MYO9A: variants seen among roughly 807,000 people sequenced by gnomAD.
MYO9A encodes myosin IXA, also known as unconventional myosin-IXa.
Under a neutral mutation model 293.3 loss-of-function variants are expected in MYO9A, and 103 were observed. The ratio of observed to expected loss-of-function variants is 0.35; its 90% CI spans 0.30 to 0.41. MYO9A has a LOEUF of 0.41. Among genes scored for constraint, MYO9A ranks in the 10% least tolerant of loss-of-function variants. The probability of loss-of-function intolerance (pLI) is 1.00; values close to 1 mark genes in which losing one functional copy is unlikely to be tolerated. For synonymous variants in MYO9A, 1,001 were observed against 1,035.7 expected (o/e 0.97, Z 0.64); for missense variants, 2,685 against 3,033.0 (o/e 0.89, Z 2.69).
intron 38 of MYO9A, among the ~76,000 whole-genome samples, chr15:71,849,753 A>C (rs2055554949): frequency 6.6e-6 from 1 of 151,896 alleles, no homozygotes; most frequent in African/African-American, 2.4e-5. Flanking sequence ...GGAAGATACT[A>C]AGTGTCCATA....
chr15:71,873,345 T>C (rs2056581759), intron 32 of MYO9A, among the ~76,000 whole-genome samples: 1 of 152,206 alleles, frequency 6.6e-6, no homozygotes, highest in Non-Finnish European at 1.5e-5. Context: ...TTTAGGTTGT[T>C]TTCAGTCTTT....
intron 29 of MYO9A, among the ~76,000 whole-genome samples, 159 bp from the exon 30 acceptor site, chr15:71,879,996 C>A (rs2056824142): frequency 6.6e-6 from 1 of 152,222 alleles, no homozygotes; most frequent in African/African-American, 2.4e-5. Flanking sequence ...GACAGTCAAA[C>A]TATAATTACT....
intron 31 of MYO9A, among the ~76,000 whole-genome samples, chr15:71,877,052 T>TA (rs1443845275): frequency 4.6e-5 from 7 of 152,108 alleles, no homozygotes; most frequent in Non-Finnish European, 1.0e-4. Context: ...TAAATACATA[T>TA]AAGGTAGAAT....
intron 2 of MYO9A, among the ~76,000 whole-genome samples, chr15:72,038,571 C>A (rs1341588783): frequency 6.6e-6 from 1 of 152,182 alleles, no homozygotes; most frequent in South Asian, 2.1e-4. Flanking sequence ...CTCCCCCACA[C>A]ACAAAAAGAC....
intron 1 of MYO9A, among the ~76,000 whole-genome samples, chr15:72,107,422 G>C (rs1054463043): frequency 6.6e-6 from 1 of 151,978 alleles, no homozygotes; most frequent in African/African-American, 2.4e-5. Context: ...AGTGGCGCGC[G>C]CCTGTAATCC....
At chr15:71,883,893 C>T (rs1260323213) in intron 27 of MYO9A, among the ~76,000 whole-genome samples, 157 bp from the exon 28 acceptor site, 1 of 151,478 alleles carries the variant, frequency 6.6e-6, no homozygotes, top group Admixed American at 6.6e-5. Flanking sequence ...TGCATTTAAA[C>T]TTCACCTGAA....
chr15:72,049,209 T>A (rs779371620), intron 1 of MYO9A, among the ~76,000 whole-genome samples: 1 of 152,216 alleles, frequency 6.6e-6, no homozygotes, highest in Non-Finnish European at 1.5e-5. Context: ...TACAGTATCA[T>A]AAATATATTT....
chr15:71,882,333 G>A (rs1021801953), intron 28 of MYO9A, among the ~76,000 whole-genome samples: 1 of 152,178 alleles, frequency 6.6e-6, no homozygotes, highest in African/African-American at 2.4e-5. Context: ...CTGAGAAAAG[G>A]GCTTGAGAAG....
At chr15:71,937,710 G>A (rs2058676392) in intron 16 of MYO9A, among the ~76,000 whole-genome samples, 1 of 152,106 alleles carries the variant, frequency 6.6e-6, no homozygotes, top group African/African-American at 2.4e-5. Flanking sequence ...AAAATGGAAA[G>A]TACAAAGAAA....
intron 41 of MYO9A, 36 bp downstream of exon 41, chr15:71,827,829 TTATTCCTCCTTTGCAAAAC>T (rs2054570787): frequency 1.0e-5 from 16 of 1,551,418 alleles, no homozygotes; most frequent in Non-Finnish European, 1.4e-5. Flanking sequence ...TTTGGAATCT[TTATTCCTCCTTTGCAAAAC>T]AAATCTGGAG....
At chr15:72,074,850 T>C (rs894184613) in intron 1 of MYO9A, among the ~76,000 whole-genome samples, 1 of 151,876 alleles carries the variant, frequency 6.6e-6, no homozygotes, top group African/African-American at 2.4e-5. Flanking sequence ...CATAACTCAA[T>C]TCCATGTCAG....
At chr15:72,020,756 T>A (rs1182901420) in intron 5 of MYO9A, among the ~76,000 whole-genome samples, 162 bp downstream of exon 5, 1 of 152,210 alleles carries the variant, frequency 6.6e-6, no homozygotes, top group Non-Finnish European at 1.5e-5. Flanking sequence ...ATGGTAATCA[T>A]CCTCAAATTT....
At chr15:72,041,932 T>C (rs1596455142) in intron 2 of MYO9A, among the ~76,000 whole-genome samples, 1 of 151,624 alleles carries the variant, frequency 6.6e-6, no homozygotes, top group Non-Finnish European at 1.5e-5. Context: ...ATATCTACTT[T>C]TAAAATTGAA....
chr15:71,927,355 G>A (rs1336687679), intron 18 of MYO9A, among the ~76,000 whole-genome samples: 1 of 152,114 alleles, frequency 6.6e-6, no homozygotes, highest in Non-Finnish European at 1.5e-5. Flanking sequence ...AAGCTTTTGA[G>A]TTTGATGCAA....
intron 6 of MYO9A, among the ~76,000 whole-genome samples, chr15:72,014,980 A>G (rs534955399): frequency 2.7e-5 from 4 of 150,234 alleles, no homozygotes; most frequent in Admixed American, 2.7e-4. Context: ...AGTAGCTGGG[A>G]CTACAGGCAC....
At chr15:71,893,197 A>C in intron 26 of MYO9A, 1 of 1,251,594 alleles carries the variant, frequency 8.0e-7, no homozygotes, top group Non-Finnish European at 1.0e-6. Flanking sequence ...CAAATGATAA[A>C]ACAAATAACA....
At chr15:71,828,053 A>T in intron 40 of MYO9A, 27 bp from the exon 41 acceptor site, 1 of 1,598,896 alleles carries the variant, frequency 6.3e-7, no homozygotes, top group Non-Finnish European at 8.5e-7. Flanking sequence ...AGAAACCATT[A>T]GCATTTGATA....
intron 4 of MYO9A, among the ~76,000 whole-genome samples, chr15:72,023,708 A>AG: frequency 6.6e-6 from 1 of 151,402 alleles, no homozygotes; most frequent in East Asian, 1.9e-4. Flanking sequence ...AAAAAAAAAA[A>AG]AAAAAGAAAA....
At chr15:71,934,909 T>C (rs1467910481) in intron 17 of MYO9A, among the ~76,000 whole-genome samples, 1 of 148,226 alleles carries the variant, frequency 6.7e-6, no homozygotes, top group African/African-American at 2.5e-5. Context: ...AAAGCTTGGA[T>C]AAGTGTTATA....
Sources: gnomAD v4.1 joint callset for allele counts (sites outside exome capture counted in the v4.1 genomes callset) on GRCh38, gnomAD v4.1.1 for gene constraint, MANE v1.5 for transcripts, NCBI Gene and HGNC (gene_info 2026-07-23, HGNC 2026-07-21) for gene names.